The following AFG1L variants were observed in gnomAD, a reference collection of about 807,000 sequenced individuals.
AFG1L encodes the protein AFG1 like ATPase.
A neutral mutation model predicts 62.2 loss-of-function variants in AFG1L; 53 were observed. That is an observed-to-expected ratio of 0.85 (90% CI 0.68 to 1.07). The LOEUF is 1.07. Ranked by LOEUF, AFG1L falls within the 50% of genes least tolerant of loss-of-function variation. The pLI, the probability that AFG1L is intolerant of heterozygous loss-of-function variation, is 0.00. For synonymous variants in AFG1L, 228 were observed against 210.3 expected (o/e 1.08, Z -0.73); for missense variants, 555 against 590.5 (o/e 0.94, Z 0.62).
intron 8 of AFG1L, among the ~76,000 whole-genome samples, chr6:108,454,075 A>T (rs1772161936): frequency 6.6e-6 from 1 of 152,182 alleles, no homozygotes; most frequent in Non-Finnish European, 1.5e-5. Context: ...TATTTATTTC[A>T]TCCTCTACAA....
At chr6:108,458,666 A>G (rs1337007341) in intron 8 of AFG1L, among the ~76,000 whole-genome samples, 1 of 151,908 alleles carries the variant, frequency 6.6e-6, no homozygotes, top group Non-Finnish European at 1.5e-5. Flanking sequence ...CCTCTACCTT[A>G]TTGAGTATAT....
intron 10 of AFG1L, among the ~76,000 whole-genome samples, chr6:108,483,070 A>G (rs1268440520): frequency 6.6e-6 from 1 of 152,216 alleles, no homozygotes; most frequent in African/African-American, 2.4e-5. Context: ...ATTTTCTTAT[A>G]TACTTCAACC....
intron 7 of AFG1L, among the ~76,000 whole-genome samples, chr6:108,445,062 A>T (rs1771709382): frequency 6.6e-6 from 1 of 152,176 alleles, no homozygotes; most frequent in Non-Finnish European, 1.5e-5. Flanking sequence ...GATCTTAACT[A>T]AGTCTTCTGG....
At chr6:108,516,601 A>T (rs1042635368) in intron 11 of AFG1L, among the ~76,000 whole-genome samples, 1 of 152,246 alleles carries the variant, frequency 6.6e-6, no homozygotes, top group African/African-American at 2.4e-5. Context: ...AAAGACAGGG[A>T]TGCCCTCTCT....
chr6:108,365,885 G>A (rs577050798), intron 5 of AFG1L, among the ~76,000 whole-genome samples: 21 of 151,922 alleles, frequency 1.4e-4, no homozygotes, highest in Middle Eastern at 3.4e-3. Flanking sequence ...TGTGGGAAGC[G>A]GGTGGGAAGA....
chr6:108,427,700 T>G (rs960318684), intron 7 of AFG1L, among the ~76,000 whole-genome samples: 14 of 152,070 alleles, frequency 9.2e-5, no homozygotes, highest in African/African-American at 3.4e-4. Context: ...TTTTGTATTT[T>G]TAGTAGAGAC....
At chr6:108,461,004 C>T (rs1772444870) in intron 8 of AFG1L, among the ~76,000 whole-genome samples, 1 of 152,218 alleles carries the variant, frequency 6.6e-6, no homozygotes, top group Non-Finnish European at 1.5e-5. Flanking sequence ...AAAAGAAGTC[C>T]TCCTGTCTCA....
At chr6:108,451,020 G>T (rs1772031062) in intron 8 of AFG1L, among the ~76,000 whole-genome samples, 2 of 151,622 alleles carry the variant, frequency 1.3e-5, no homozygotes, top group South Asian at 4.2e-4. Context: ...CCCTATTAAA[G>T]CGTGTGTTTC....
At chr6:108,438,321 G>A (rs1444231547) in intron 7 of AFG1L, among the ~76,000 whole-genome samples, 2 of 152,124 alleles carry the variant, frequency 1.3e-5, no homozygotes, top group African/African-American at 4.8e-5. Flanking sequence ...GCCTCTCTCC[G>A]TGACTTGCAG....
intron 6 of AFG1L, among the ~76,000 whole-genome samples, chr6:108,376,623 A>G (rs1430859638): frequency 6.6e-6 from 1 of 152,128 alleles, no homozygotes; most frequent in Admixed American, 6.6e-5. Flanking sequence ...ACTGTGGTCC[A>G]AGAGTATGGT....
intron 10 of AFG1L, among the ~76,000 whole-genome samples, chr6:108,493,762 T>C (rs1222327571): frequency 6.6e-6 from 1 of 152,118 alleles, no homozygotes; most frequent in African/African-American, 2.4e-5. Flanking sequence ...TGTCTTGGAG[T>C]TGTATTGATG....
intron 1 of AFG1L, among the ~76,000 whole-genome samples, chr6:108,323,274 G>A (rs1292710360): frequency 1.3e-5 from 2 of 152,180 alleles, no homozygotes; most frequent in Non-Finnish European, 2.9e-5. Context: ...GTAGGAATAG[G>A]CCTTCTGGAA....
chr6:108,350,824 G>A (rs1441388350), intron 3 of AFG1L, among the ~76,000 whole-genome samples: 2 of 152,132 alleles, frequency 1.3e-5, no homozygotes, highest in Non-Finnish European at 2.9e-5. Flanking sequence ...CATTGATTCA[G>A]ATTCTAGTTT....
chr6:108,363,953 C>A (rs930664505), intron 5 of AFG1L, among the ~76,000 whole-genome samples: 3 of 152,166 alleles, frequency 2.0e-5, no homozygotes, highest in Non-Finnish European at 4.4e-5. Context: ...AGCACTCACA[C>A]ATGTAAATTA....
At chr6:108,502,617 G>A (rs1283960689) in intron 10 of AFG1L, among the ~76,000 whole-genome samples, 1 of 152,122 alleles carries the variant, frequency 6.6e-6, no homozygotes, top group Non-Finnish European at 1.5e-5. Flanking sequence ...TGGGATTATA[G>A]GCATGAACCA....
chr6:108,442,439 T>C (rs767295370), intron 7 of AFG1L, among the ~76,000 whole-genome samples: 1 of 151,906 alleles, frequency 6.6e-6, no homozygotes, highest in Non-Finnish European at 1.5e-5. Context: ...TCTGGTGGGA[T>C]TGGTTATAGG....
chr6:108,494,688 G>C (rs1773907929), intron 10 of AFG1L, among the ~76,000 whole-genome samples: 1 of 152,044 alleles, frequency 6.6e-6, no homozygotes, highest in African/African-American at 2.4e-5. Context: ...CTCATATTGA[G>C]GTGCCATATG....
chr6:108,402,511 C>T (rs1301953414), intron 7 of AFG1L, among the ~76,000 whole-genome samples: 6 of 145,522 alleles, frequency 4.1e-5, no homozygotes, highest in Admixed American at 1.4e-4. Flanking sequence ...CAGGGCAACA[C>T]GGCAAAACCT....
chr6:108,431,597 C>CTTTTTTT (rs5878977), intron 7 of AFG1L, among the ~76,000 whole-genome samples: 2 of 98,444 alleles, frequency 2.0e-5, no homozygotes, highest in Non-Finnish European at 4.0e-5. Context: ...TTCTTTGTTG[C>CTTTTTTT]TTTTTTTTTT....
Sources: gnomAD v4.1 joint callset for allele counts (sites outside exome capture counted in the v4.1 genomes callset) on GRCh38, gnomAD v4.1.1 for gene constraint, MANE v1.5 for transcripts, NCBI Gene and HGNC (gene_info 2026-07-23, HGNC 2026-07-21) for gene names.